EXOC6B: variants seen among roughly 807,000 people sequenced by gnomAD.
EXOC6B encodes the protein exocyst complex component 6B, also known as SEC15 homolog B.
EXOC6B carries 54 observed loss-of-function variants against 113.5 expected under a neutral mutation model. The observed-to-expected ratio is 0.48, with a 90% CI of 0.38 to 0.60. EXOC6B has a LOEUF of 0.60. Among genes scored for constraint, EXOC6B ranks in the 20% least tolerant of loss-of-function variants. The probability of loss-of-function intolerance (pLI) is 0.00; values close to 1 mark genes in which losing one functional copy is unlikely to be tolerated. For missense variants in EXOC6B, 797 were observed against 977.5 expected, an observed-to-expected ratio of 0.82 and a Z score of 2.46; for synonymous variants, 357 against 339.0, an observed-to-expected ratio of 1.05 and a Z score of -0.58.
intron 18 of EXOC6B, among the ~76,000 whole-genome samples, chr2:72,450,151 G>T (rs1170348910): frequency 6.6e-6 from 1 of 152,088 alleles, no homozygotes; most frequent in Non-Finnish European, 1.5e-5. Context: ...CAGTACTCAA[G>T]AAAACTGTGA....
At chr2:72,749,440 A>G (rs1681903808) in intron 1 of EXOC6B, among the ~76,000 whole-genome samples, 1 of 152,060 alleles carries the variant, frequency 6.6e-6, no homozygotes, top group African/African-American at 2.4e-5. Context: ...ATTCTTTACA[A>G]AAGATATTCA....
chr2:72,184,943 T>C (rs1230029533), intron 20 of EXOC6B, among the ~76,000 whole-genome samples: 2 of 152,240 alleles, frequency 1.3e-5, no homozygotes, highest in African/African-American at 4.8e-5. Flanking sequence ...AAGAGCTAGA[T>C]GTGTGAAAAG....
At chr2:72,337,863 A>G in intron 19 of EXOC6B, among the ~76,000 whole-genome samples, 1 of 152,194 alleles carries the variant, frequency 6.6e-6, no homozygotes, top group Non-Finnish European at 1.5e-5. Context: ...ACCATTTCAC[A>G]AAACCAAACA....
intron 18 of EXOC6B, among the ~76,000 whole-genome samples, chr2:72,394,331 T>C (rs1227220513): frequency 6.6e-6 from 1 of 152,160 alleles, no homozygotes; most frequent in African/African-American, 2.4e-5. Context: ...TTTCCTGTTC[T>C]GAAGCAAATC....
At chr2:72,197,862 C>T (rs11884884) in intron 20 of EXOC6B, among the ~76,000 whole-genome samples, 5,547 of 152,212 alleles carry the variant, frequency 0.036, 338 homozygotes, top group African/African-American at 0.13. Flanking sequence ...AACTAGAGTA[C>T]ATAATCCTCC....
intron 8 of EXOC6B, among the ~76,000 whole-genome samples, chr2:72,549,668 CA>C (rs1348225567): frequency 2.0e-5 from 3 of 151,934 alleles, no homozygotes; most frequent in Non-Finnish European, 4.4e-5. Flanking sequence ...CATATAAGTC[CA>C]AAGCTCAAGG....
At chr2:72,519,476 T>C (rs897104567) in intron 8 of EXOC6B, among the ~76,000 whole-genome samples, 1 of 152,184 alleles carries the variant, frequency 6.6e-6, no homozygotes, top group East Asian at 1.9e-4. Context: ...GGCATGAGTA[T>C]AGTGCTGTTC....
intron 6 of EXOC6B, among the ~76,000 whole-genome samples, chr2:72,636,263 GA>G (rs1190590427): frequency 7.4e-6 from 1 of 134,770 alleles, no homozygotes; most frequent in Non-Finnish European, 1.6e-5. Flanking sequence ...GGAAGAGGAA[GA>G]AAAAAAGGGA....
chr2:72,594,197 G>A (rs971692676), intron 6 of EXOC6B, among the ~76,000 whole-genome samples: 1 of 152,070 alleles, frequency 6.6e-6, no homozygotes, highest in African/African-American at 2.4e-5. Context: ...TGCCCGGGCT[G>A]CTCTCAAACT....
intron 18 of EXOC6B, among the ~76,000 whole-genome samples, chr2:72,425,986 T>C (rs59881252): frequency 0.2 from 30,625 of 152,138 alleles, 5,701 homozygotes; most frequent in African/African-American, 0.5. Context: ...CTTTTAGTCT[T>C]TATTACGTTT....
At chr2:72,323,014 T>C (rs1275447364) in intron 20 of EXOC6B, among the ~76,000 whole-genome samples, 1 of 152,130 alleles carries the variant, frequency 6.6e-6, no homozygotes, top group Non-Finnish European at 1.5e-5. Flanking sequence ...CTAAAGAGCT[T>C]CTGCACAGCA....
intron 20 of EXOC6B, among the ~76,000 whole-genome samples, chr2:72,328,299 A>G (rs2104855154): frequency 6.6e-6 from 1 of 152,170 alleles, no homozygotes; most frequent in East Asian, 1.9e-4. Flanking sequence ...CCACAGCTAA[A>G]ATGTCTTCTC....
intron 1 of EXOC6B, among the ~76,000 whole-genome samples, chr2:72,754,630 A>G (rs74603287): frequency 2.8e-4 from 32 of 113,522 alleles, no homozygotes; most frequent in African/African-American, 9.7e-4. Flanking sequence ...TTTTTTTTTT[A>G]GAGACAGTAT....
intron 8 of EXOC6B, among the ~76,000 whole-genome samples, chr2:72,544,133 G>T (rs1034005124): frequency 6.6e-6 from 1 of 152,096 alleles, no homozygotes; most frequent in Non-Finnish European, 1.5e-5. Context: ...CATTTAAAAT[G>T]AAAATAAAAC....
intron 1 of EXOC6B, among the ~76,000 whole-genome samples, chr2:72,743,034 C>T (rs1411467178): frequency 2.6e-5 from 4 of 152,184 alleles, no homozygotes; most frequent in Admixed American, 6.5e-5. Flanking sequence ...GCTAAAGGCA[C>T]ACTATACAAT....
At chr2:72,253,304 T>G in intron 20 of EXOC6B, among the ~76,000 whole-genome samples, 1 of 152,170 alleles carries the variant, frequency 6.6e-6, no homozygotes, top group Non-Finnish European at 1.5e-5. Context: ...TGAAAGAACT[T>G]AAAACAGAAT....
intron 6 of EXOC6B, among the ~76,000 whole-genome samples, chr2:72,708,953 A>G (rs1477160613): frequency 9.1e-6 from 1 of 110,442 alleles, no homozygotes; most frequent in Admixed American, 1.5e-4. Context: ...TATGTTGCCC[A>G]CACTAATCTC....
intron 6 of EXOC6B, among the ~76,000 whole-genome samples, chr2:72,580,999 G>C (rs570689131): frequency 6.6e-6 from 1 of 152,198 alleles, no homozygotes; most frequent in East Asian, 1.9e-4. Flanking sequence ...TGTTCCATGA[G>C]ATCATACAAT....
chr2:72,664,002 T>C (rs550157249), intron 6 of EXOC6B, among the ~76,000 whole-genome samples: 1 of 152,176 alleles, frequency 6.6e-6, no homozygotes, highest in African/African-American at 2.4e-5. Context: ...TCTGTAAACC[T>C]AAAACCATCC....
Sources: allele counts gnomAD v4.1 joint callset (sites outside exome capture counted in the v4.1 genomes callset), GRCh38; gene constraint gnomAD v4.1.1; transcripts MANE v1.5; gene names NCBI Gene and HGNC (gene_info 2026-07-23, HGNC 2026-07-21).